GALNT17: variants seen among roughly 807,000 people sequenced by gnomAD.
GALNT17 encodes polypeptide N-acetylgalactosaminyltransferase 17.
In GALNT17, 29 loss-of-function variants were observed where a neutral mutation model predicts 63.7. That is an observed-to-expected ratio of 0.46 (90% CI 0.34 to 0.62). GALNT17 has a LOEUF of 0.62. GALNT17 is among the 20% of genes least tolerant of loss of function. The pLI is 0.01. For missense variants in GALNT17, 603 were observed against 799.6 expected (o/e 0.75, Z 2.97); for synonymous variants, 305 against 318.3 (o/e 0.96, Z 0.45).
At chr7:71,342,486 A>G (rs932907448) in intron 2 of GALNT17, among the ~76,000 whole-genome samples, 1 of 152,132 alleles carries the variant, frequency 6.6e-6, no homozygotes, top group African/African-American at 2.4e-5. Context: ...TCCCAACCAT[A>G]TTACTGATAG....
Position 71,540,967 on chromosome 7 carries a change from G to T in GALNT17, c.963-30318G>T, listed in dbSNP as rs139187206. On this transcript the variant is annotated intron_variant, in intron 5 of 10. Transcript: ENST00000333538. ...AAAGAAACGATGGCCAGCCGGGCGC[G>T]GTGGCTCATGCCTGGAATCCCAGCA... Among the ~76,000 whole-genome samples the T allele has an allele frequency of 2.0e-5, 3 of 151,972 alleles. No homozygotes were observed. The South Asian group carries it at 6.2e-4, about 32-fold the overall frequency.
rs552217333 is a variant in GALNT17 at position 71,297,361 on chromosome 7, T to C, written c.239-38189T>C. ...GAGTTTGAGACCAGCCTGACCAACATGATGAAACCCTGTCTCTACCAAAAA... is the reference window on the plus strand; with the variant it reads ...GAGTTTGAGACCAGCCTGACCAACACGATGAAACCCTGTCTCTACCAAAAA... On this transcript the variant is annotated intron_variant, in intron 1 of 10. Transcript: ENST00000333538. Among the ~76,000 whole-genome samples the C allele has an allele frequency of 3.9e-5, 6 of 152,262 alleles. 1 individual carries two copies. The South Asian group carries it at 1.0e-3, about 26-fold the overall frequency.
At chr7:71,279,570 T>A (rs897758143) in intron 1 of GALNT17, among the ~76,000 whole-genome samples, 2 of 151,850 alleles carry the variant, frequency 1.3e-5, no homozygotes, top group African/African-American at 4.8e-5. Flanking sequence ...TCATCTTAAC[T>A]TAATTACATC....
At chr7:71,628,073 G>A (rs79012855) in intron 6 of GALNT17, among the ~76,000 whole-genome samples, 12 of 151,654 alleles carry the variant, frequency 7.9e-5, no homozygotes, top group South Asian at 2.1e-4. Flanking sequence ...ATCTCAGGGG[G>A]AAAAAAGTCT....
intron 7 of GALNT17, among the ~76,000 whole-genome samples, chr7:71,668,373 G>C (rs1791016523): frequency 1.3e-5 from 2 of 151,918 alleles, no homozygotes; most frequent in Admixed American, 6.6e-5. Context: ...AAAATTAGCT[G>C]GGTGAGGTGG....
chr7:71,368,441 C>T (rs756172417), intron 2 of GALNT17, among the ~76,000 whole-genome samples: 4 of 152,042 alleles, frequency 2.6e-5, no homozygotes, highest in Admixed American at 1.3e-4. Flanking sequence ...TTCCTGTCTC[C>T]CCCTTTGCAG....
intron 1 of GALNT17, among the ~76,000 whole-genome samples, chr7:71,168,752 TCTA>T (rs1788493121): frequency 2.0e-5 from 3 of 150,894 alleles, no homozygotes; most frequent in African/African-American, 7.4e-5. Flanking sequence ...GCACCTAAAA[TCTA>T]CTCTCTTAGC....
chr7:71,287,278 T>A (rs1256105774), intron 1 of GALNT17, among the ~76,000 whole-genome samples: 1 of 151,894 alleles, frequency 6.6e-6, no homozygotes, highest in Non-Finnish European at 1.5e-5. Context: ...TTTGTAGAGA[T>A]GAGGTTTTGC....
chr7:71,160,426 T>C (rs1788320501), intron 1 of GALNT17, among the ~76,000 whole-genome samples: 1 of 152,228 alleles, frequency 6.6e-6, no homozygotes, highest in Non-Finnish European at 1.5e-5. Flanking sequence ...CATAGTAGGC[T>C]GCTTTCAAAT....
chr7:71,461,120 C>A (rs940527345), intron 5 of GALNT17, among the ~76,000 whole-genome samples: 5 of 152,138 alleles, frequency 3.3e-5, no homozygotes, highest in African/African-American at 1.2e-4. Context: ...ACTTCACATT[C>A]CTGAAGACTT....
Position 71,712,309 on chromosome 7 carries a change from T to G in GALNT17, c.*163T>G. On this transcript the variant is annotated 3_prime_UTR_variant, in exon 11 of 11. Coordinates refer to ENST00000333538, the MANE Select transcript of GALNT17 (RefSeq NM_022479.3). The stretch of plus-strand genomic sequence containing the variant: ...GCACAGGGACCCCGGATGAAGACTC[T>G]GTCCCCCCTCAGGCATTCAGCTGCC... The G allele has an allele frequency of 2.4e-6, 2 of 818,914 alleles. No homozygotes were observed. The highest frequency in any genetic ancestry group is 3.6e-6 in the Non-Finnish European group (2 of 554,036). The allele number at this position is 818,914 out of a possible 1,614,324, so 50.7% of individuals were successfully genotyped here. A position where few individuals can be genotyped will look rare whatever the true frequency, so the allele number is the denominator to read the frequency against.
At chr7:71,189,078 T>G (rs112445163) in intron 1 of GALNT17, among the ~76,000 whole-genome samples, 4,169 of 152,306 alleles carry the variant, frequency 0.027, 115 homozygotes, top group Non-Finnish European at 0.035. Context: ...CATCTTGAAT[T>G]GTAGCTCCCA....
chr7:71,340,175 C>G (rs1249667267), intron 2 of GALNT17, among the ~76,000 whole-genome samples: 1 of 152,156 alleles, frequency 6.6e-6, no homozygotes, highest in Non-Finnish European at 1.5e-5. Flanking sequence ...CAGATTTGAA[C>G]AGAAGGGATG....
At chr7:71,436,519 A>G (rs748888771) in intron 5 of GALNT17, among the ~76,000 whole-genome samples, 21 of 152,070 alleles carry the variant, frequency 1.4e-4, no homozygotes, top group Non-Finnish European at 2.8e-4. Context: ...AGAGATTGAG[A>G]CCATCCTGGC....
intron 1 of GALNT17, among the ~76,000 whole-genome samples, chr7:71,263,728 C>A (rs193089679): frequency 9.9e-5 from 15 of 152,150 alleles, no homozygotes; most frequent in East Asian, 9.7e-4. Flanking sequence ...TCGAGACCAT[C>A]CTGGCTAACA....
chr7:71,572,517 A>AAAAC (rs1789463262), intron 6 of GALNT17, among the ~76,000 whole-genome samples: 2 of 109,396 alleles, frequency 1.8e-5, no homozygotes, highest in African/African-American at 7.0e-5. Flanking sequence ...AAAAAAAAAA[A>AAAAC]AAAAAAAAAA....
chr7:71,143,951 C>G (rs1189332039), intron 1 of GALNT17, among the ~76,000 whole-genome samples: 4 of 151,992 alleles, frequency 2.6e-5, no homozygotes, highest in Non-Finnish European at 5.9e-5. Context: ...TGCCATTCCT[C>G]TGAGTTCAGG....
chr7:71,547,489 T>C (rs942242559), intron 5 of GALNT17, among the ~76,000 whole-genome samples: 4 of 152,082 alleles, frequency 2.6e-5, no homozygotes, highest in African/African-American at 9.7e-5. Context: ...TTTCACCATG[T>C]TGGCCAGGCG....
At chr7:71,648,796 C>T (rs941045035) in intron 6 of GALNT17, among the ~76,000 whole-genome samples, 25 of 152,070 alleles carry the variant, frequency 1.6e-4, no homozygotes, top group Admixed American at 7.9e-4. Context: ...GCTAGGCAAC[C>T]GTGAGACCTA....
Sources: allele counts gnomAD v4.1 joint callset (sites outside exome capture counted in the v4.1 genomes callset), GRCh38; gene constraint gnomAD v4.1.1; transcripts MANE v1.5; gene names NCBI Gene and HGNC (gene_info 2026-07-23, HGNC 2026-07-21).